PTGDS: variants seen among roughly 807,000 people sequenced by gnomAD.
PTGDS encodes the protein prostaglandin D2 synthase.
In PTGDS, 21 loss-of-function variants were observed where a neutral mutation model predicts 28.4. That is an observed-to-expected ratio of 0.74 (90% CI 0.52 to 1.07). The LOEUF is 1.07. PTGDS is among the 50% of genes least tolerant of loss of function. The pLI is 0.00. For synonymous variants in PTGDS, 102 were observed against 106.0 expected, an observed-to-expected ratio of 0.96 and a Z score of 0.23; for missense variants, 243 against 247.7, an observed-to-expected ratio of 0.98 and a Z score of 0.13.
chr9:136,981,367 G>T (rs1374512923), intron 6 of PTGDS, among the ~76,000 whole-genome samples: 2 of 152,102 alleles, frequency 1.3e-5, no homozygotes, highest in Non-Finnish European at 2.9e-5. Flanking sequence ...GCTGGAGTCT[G>T]TGGACCCTGG....
chr9:136,981,135 C>T, intron 6 of PTGDS: 1 of 496,240 alleles, frequency 2.0e-6, no homozygotes. Context: ...GGTGCGAGGC[C>T]CCAGGCAGAC....
At chr9:136,979,786 C>T (rs1830425763) in intron 3 of PTGDS, 160 bp from the exon 4 acceptor site, 3 of 751,856 alleles carry the variant, frequency 4.0e-6, no homozygotes, top group Admixed American at 3.9e-5. Context: ...GCTGTGCAGG[C>T]GAGAGCAGGG....
rs1830380910 is a variant in PTGDS at position 136,977,551 on chromosome 9, C to G, written c.-28C>G. On this transcript the variant is annotated 5_prime_UTR_variant, in exon 1 of 7. Coordinates refer to ENST00000371625, the MANE Select transcript of PTGDS (RefSeq NM_000954.6). The stretch of plus-strand genomic sequence containing the variant: ...GCTCTCCCACACCACTGGCACCAGG[C>G]CCCGGACACCCGCTCTGCTGCAGGA... 6.5e-7 allele frequency: 1 copy of G among 1,527,354 alleles called. No homozygotes were observed. Among genetic ancestry groups the G allele is most frequent in the East Asian group, 2.3e-5 (1 of 42,650 alleles). The allele number at this position is 1,527,354 out of a possible 1,614,324, so 94.6% of individuals were successfully genotyped here.
chr9:136,980,464 G>T (rs1830435499), intron 5 of PTGDS, among the ~76,000 whole-genome samples, 180 bp downstream of exon 5: 1 of 152,198 alleles, frequency 6.6e-6, no homozygotes, highest in Admixed American at 6.5e-5. Context: ...TTCATGAGGA[G>T]CCCCCTCCAT....
intron 2 of PTGDS, 42 bp from the exon 3 acceptor site, chr9:136,979,181 C>G (rs748562532): frequency 1.9e-6 from 3 of 1,613,064 alleles, no homozygotes; most frequent in Non-Finnish European, 2.5e-6. Context: ...TCCAGGGACA[C>G]CCTCGGGCCT....
At chr9:136,979,876 C>T in intron 3 of PTGDS, 70 bp from the exon 4 acceptor site, 3 of 1,433,200 alleles carry the variant, frequency 2.1e-6, no homozygotes, top group Non-Finnish European at 3.0e-6. Context: ...CACAGGTGCA[C>T]CCCTTCCCTG....
chr9:136,981,329 C>A (rs569317950), intron 6 of PTGDS, among the ~76,000 whole-genome samples: 1 of 152,124 alleles, frequency 6.6e-6, no homozygotes, highest in Admixed American at 6.5e-5. Context: ...ATTCACCCAC[C>A]ACCCCCAGGA....
intron 5 of PTGDS, chr9:136,980,622 T>A: frequency 6.6e-7 from 1 of 1,520,206 alleles, no homozygotes. Flanking sequence ...CACAGCCTCC[T>A]AGGGGTGGAC....
intron 5 of PTGDS, chr9:136,980,629 G>A: frequency 6.5e-7 from 1 of 1,529,616 alleles, no homozygotes; most frequent in Non-Finnish European, 8.8e-7. Flanking sequence ...TCCTAGGGGT[G>A]GACAGCCTGC....
intron 5 of PTGDS, 117 bp downstream of exon 5, chr9:136,980,401 GC>G: frequency 8.6e-7 from 1 of 1,156,232 alleles, no homozygotes; most frequent in Non-Finnish European, 1.2e-6. Context: ...CGAGGCCTGG[GC>G]CAGGGACAGA....
At chr9:136,978,741 C>T (rs1225301573) in intron 1 of PTGDS, 3 of 310,580 alleles carry the variant, frequency 9.7e-6, no homozygotes, top group African/African-American at 5.1e-5. Context: ...TCTCCTGGGG[C>T]GGGGATGTGA....
rs6926 is a variant in PTGDS at position 136,981,689 on chromosome 9, A to C, written c.*111A>C. 109,360 of 152,222 alleles carry C rather than the reference A, an allele frequency of 0.72. 39,366 individuals carry two copies. Among genetic ancestry groups the C allele is most frequent in the East Asian group, 0.83 (4,281 of 5,166 alleles). The allele number at this position is 152,222 out of a possible 1,614,324, so 9.4% of individuals were successfully genotyped here. On this transcript the variant is annotated 3_prime_UTR_variant, in exon 7 of 7. Coordinates refer to ENST00000371625, the MANE Select transcript of PTGDS (RefSeq NM_000954.6). ...CCTGCCCCGGCTCCCCGCCAAAGCA[A>C]CCCTGCCCACTCAGGCTTCATCCTG...
At chr9:136,978,444 G>A (rs1217872910) in intron 1 of PTGDS, among the ~76,000 whole-genome samples, 3 of 148,658 alleles carry the variant, frequency 2.0e-5, no homozygotes, top group African/African-American at 7.5e-5. Context: ...GGGCTGAGGC[G>A]TGAGGGGCGG....
intron 3 of PTGDS, chr9:136,979,726 T>A (rs1588487291): frequency 3.2e-6 from 2 of 624,482 alleles, no homozygotes; most frequent in Admixed American, 5.8e-5. Flanking sequence ...GGAATCCTGG[T>A]TTTCTGAGCC....
intron 3 of PTGDS, 80 bp downstream of exon 3, chr9:136,979,379 C>T (rs1429850681): frequency 6.3e-6 from 10 of 1,578,116 alleles, no homozygotes; most frequent in South Asian, 2.3e-5. Context: ...AGCCCCCTGC[C>T]GCGGAGATCC....
In PTGDS at chr9:136,980,959, C is replaced by T. The variant is rs1026524742; in HGVS notation, c.*104C>T. On this transcript the variant is annotated intron_variant, in intron 6 of 6. Coordinates refer to ENST00000371625, the MANE Select transcript of PTGDS (RefSeq NM_000954.6). ...GGGATGGATCAGGGCCCCAGGACAG[C>T]CTGGTGCTGCAGACCCATCCTTCCC... 28 of 1,442,988 alleles carry T rather than the reference C, an allele frequency of 1.9e-5. No individual in the cohort carries two copies. The African/African-American group carries it at 3.1e-4, about 16-fold the overall frequency. The allele number at this position is 1,442,988 out of a possible 1,614,324, so 89.4% of individuals were successfully genotyped here.
chr9:136,977,944 G>A (rs1256638083), intron 1 of PTGDS, among the ~76,000 whole-genome samples: 1 of 152,128 alleles, frequency 6.6e-6, no homozygotes, highest in African/African-American at 2.4e-5. Flanking sequence ...CCACACACGC[G>A]CCCACGCCAG....
intron 2 of PTGDS, 31 bp downstream of exon 2, chr9:136,979,163 C>T (rs780158910): frequency 1.2e-6 from 2 of 1,612,928 alleles, no homozygotes; most frequent in Non-Finnish European, 8.5e-7. Context: ...GTTTCTGGGA[C>T]GGAGAGGTCC....
intron 3 of PTGDS, 91 bp from the exon 4 acceptor site, chr9:136,979,855 C>T: frequency 8.1e-7 from 1 of 1,233,326 alleles, no homozygotes; most frequent in Non-Finnish European, 1.2e-6. Context: ...GGGCTGAGTG[C>T]CCCCAAAGCC....
Sources: gnomAD v4.1 joint callset for allele counts (sites outside exome capture counted in the v4.1 genomes callset) on GRCh38, gnomAD v4.1.1 for gene constraint, MANE v1.5 for transcripts, NCBI Gene and HGNC (gene_info 2026-07-23, HGNC 2026-07-21) for gene names.